LRP11: variants seen among roughly 807,000 people sequenced by gnomAD.
LRP11 encodes the protein LDL receptor related protein 11.
Under a neutral mutation model 43.1 loss-of-function variants are expected in LRP11, and 25 were observed. The observed-to-expected ratio is 0.58, with a 90% CI of 0.42 to 0.81. LRP11 has a LOEUF of 0.81. LRP11 is among the 30% of genes least tolerant of loss of function. LRP11 has a pLI of 0.00. For missense variants in LRP11, 623 were observed against 665.1 expected (o/e 0.94, Z 0.70); for synonymous variants, 316 against 299.4 (o/e 1.06, Z -0.57).
chr6:149,824,768 G>A (rs567248012), intron 6 of LRP11, among the ~76,000 whole-genome samples: 3 of 152,328 alleles, frequency 2.0e-5, no homozygotes, highest in Non-Finnish European at 4.4e-5. Flanking sequence ...GCTGAGGCAG[G>A]GGAATCGTTT....
chr6:149,862,540 T>C lies in LRP11; in HGVS notation c.613+868A>G, dbSNP rs553186265. 1.1e-4 allele frequency among the ~76,000 whole-genome samples: 16 copies of C among 151,516 alleles called. No homozygotes were observed. The South Asian group carries it at 3.4e-3, about 32-fold the overall frequency. On this transcript the variant is annotated intron_variant, in intron 1 of 6. Transcript: ENST00000239367. ...GTCGAATCAGCATCATTTTTAGTCC[T>C]TAAGAAACACGCTTTAAAGTTTCCT...
chr6:149,864,179 G>T lies in LRP11; in HGVS notation c.-159C>A, dbSNP rs1335406042. 10 of 1,133,978 alleles carry T rather than the reference G, an allele frequency of 8.8e-6. No homozygotes were observed. Among genetic ancestry groups the T allele is most frequent in the Non-Finnish European group, 1.1e-5 (10 of 926,508 alleles). 70.2% of individuals were successfully genotyped at this position (1,133,978 alleles called of 1,614,324 possible). A position where few individuals can be genotyped will look rare whatever the true frequency, so the allele number is the denominator to read the frequency against. On this transcript the variant is annotated 5_prime_UTR_variant, in exon 1 of 7. Transcript: ENST00000239367. The stretch of plus-strand genomic sequence containing the variant: ...CGCCCCCGAACCCGGCTGCTCCCCC[G>T]AGGTCGCGGGCGCCGGCGGGAACCG...
chr6:149,843,697 C>T (rs1776586436), intron 2 of LRP11, among the ~76,000 whole-genome samples: 1 of 152,096 alleles, frequency 6.6e-6, no homozygotes, highest in Non-Finnish European at 1.5e-5. Context: ...TCCTAAGAAA[C>T]AAACAAAACA....
intron 3 of LRP11, chr6:149,842,650 AACAGATGC>A (rs1419214559): frequency 6.4e-7 from 1 of 1,551,088 alleles, no homozygotes; most frequent in Non-Finnish European, 8.7e-7. Flanking sequence ...TCCCTCTTGG[AACAGATGC>A]AGCAAATGGA....
In LRP11 at chr6:149,820,108, A is replaced by G. The variant is rs1347622196; in HGVS notation, c.*441T>C. The G allele has an allele frequency of 6.5e-6, 1 of 154,958 alleles. No individual in the cohort carries two copies. Among genetic ancestry groups the G allele is most frequent in the African/African-American group, 2.4e-5 (1 of 41,464 alleles). The allele number at this position is 154,958 out of a possible 1,614,324, so 9.6% of individuals were successfully genotyped here. ...TCTCAGAAACAGGTTTAGAGGGGAA[A>G]AGAAAAAGAATACTGGGAGCTTCAA... On this transcript the variant is annotated 3_prime_UTR_variant, in exon 7 of 7. Transcript: ENST00000239367.
intron 1 of LRP11, among the ~76,000 whole-genome samples, chr6:149,862,126 A>G (rs2115428518): frequency 6.6e-6 from 1 of 152,324 alleles, no homozygotes. Context: ...AGTCCTTCCC[A>G]GTGTTTGCCT....
At position 149,864,177 on chromosome 6, in the gene LRP11, C is replaced by G. The variant is rs1776999138; in HGVS notation, c.-157G>C. ...GGCGCCCCCGAACCCGGCTGCTCCC[C>G]CGAGGTCGCGGGCGCCGGCGGGAAC... On this transcript the variant is annotated 5_prime_UTR_variant, in exon 1 of 7. Coordinates refer to ENST00000239367, the MANE Select transcript of LRP11 (RefSeq NM_032832.6). 1 of 1,136,334 alleles carries G rather than the reference C, an allele frequency of 8.8e-7. No homozygotes were observed. The highest frequency in any genetic ancestry group is 1.1e-6 in the Non-Finnish European group (1 of 927,838). 70.4% of individuals were successfully genotyped at this position (1,136,334 alleles called of 1,614,324 possible).
chr6:149,826,234 C>A, intron 6 of LRP11, 30 bp downstream of exon 6: 1 of 1,533,290 alleles, frequency 6.5e-7, no homozygotes, highest in Non-Finnish European at 9.0e-7. Context: ...AGACTACAGT[C>A]TGCAAAGGGT....
At chr6:149,848,970 G>A (rs912247222) in intron 2 of LRP11, among the ~76,000 whole-genome samples, 2 of 152,200 alleles carry the variant, frequency 1.3e-5, no homozygotes, top group South Asian at 2.1e-4. Context: ...TGAGAAGATG[G>A]CTGGTTATAA....
At chr6:149,845,704 T>C (rs745943701) in intron 2 of LRP11, among the ~76,000 whole-genome samples, 6 of 151,848 alleles carry the variant, frequency 4.0e-5, no homozygotes, top group South Asian at 2.1e-4. Context: ...GAAGTCAGTC[T>C]GAGACAGGAC....
At chr6:149,861,672 C>A (rs1030341496) in intron 1 of LRP11, among the ~76,000 whole-genome samples, 1 of 152,090 alleles carries the variant, frequency 6.6e-6, no homozygotes, top group Non-Finnish European at 1.5e-5. Flanking sequence ...CGCCACCATG[C>A]CAGGATAATT....
chr6:149,860,526 T>C lies in LRP11; in HGVS notation c.613+2882A>G, dbSNP rs78856308. Among the ~76,000 whole-genome samples the C allele has an allele frequency of 9.4e-3, 1,431 of 151,990 alleles. 23 individuals are homozygous for C. The highest frequency in any genetic ancestry group is 0.031 in the African/African-American group (1,267 of 41,448). On this transcript the variant is annotated intron_variant, in intron 1 of 6. Transcript: ENST00000239367. ...AGTATCATGTACATGCGTGCCACCTTCCTAACTCACAAAGCATGTCCCCCC... is the reference window on the plus strand; with the variant it reads ...AGTATCATGTACATGCGTGCCACCTCCCTAACTCACAAAGCATGTCCCCCC...
At chr6:149,822,238 G>A (rs973577443) in intron 6 of LRP11, among the ~76,000 whole-genome samples, 1 of 152,084 alleles carries the variant, frequency 6.6e-6, no homozygotes, top group African/African-American at 2.4e-5. Context: ...TACTCGGGAG[G>A]CTGAAGTAGG....
chr6:149,847,856 CACACACACACACACACACACACAT>C (rs1359673082), intron 2 of LRP11, among the ~76,000 whole-genome samples: 25 of 147,804 alleles, frequency 1.7e-4, no homozygotes, highest in African/African-American at 5.1e-4. Flanking sequence ...CACACACACA[CACACACACACACACACACACACAT>C]TGTATATACT....
chr6:149,824,184 A>G (rs1422282576), intron 6 of LRP11, among the ~76,000 whole-genome samples: 1 of 152,218 alleles, frequency 6.6e-6, no homozygotes, highest in Non-Finnish European at 1.5e-5. Context: ...AAAGATGAGC[A>G]TCAGCATTTA....
chr6:149,854,251 G>C (rs1228078239), intron 1 of LRP11, among the ~76,000 whole-genome samples: 1 of 152,068 alleles, frequency 6.6e-6, no homozygotes, highest in East Asian at 1.9e-4. Flanking sequence ...CTCCCGAGTA[G>C]TTAGGACTGC....
At chr6:149,859,126 CCCAA>C (rs1776846942) in intron 1 of LRP11, among the ~76,000 whole-genome samples, 1 of 151,762 alleles carries the variant, frequency 6.6e-6, no homozygotes, top group Non-Finnish European at 1.5e-5. Flanking sequence ...CCACATATTT[CCCAA>C]CTGGTTTCCA....
chr6:149,822,245 T>C (rs1314084921), intron 6 of LRP11, among the ~76,000 whole-genome samples: 1 of 151,572 alleles, frequency 6.6e-6, no homozygotes, highest in Non-Finnish European at 1.5e-5. Flanking sequence ...GAGGCTGAAG[T>C]AGGAGAATCA....
intron 5 of LRP11, among the ~76,000 whole-genome samples, chr6:149,833,863 C>A (rs952667790): frequency 2.6e-5 from 4 of 152,072 alleles, no homozygotes; most frequent in Admixed American, 2.0e-4. Context: ...GCATTATTTT[C>A]TTTTTTTTCC....
Sources: gnomAD v4.1 joint callset for allele counts (sites outside exome capture counted in the v4.1 genomes callset) on GRCh38, gnomAD v4.1.1 for gene constraint, MANE v1.5 for transcripts, NCBI Gene and HGNC (gene_info 2026-07-23, HGNC 2026-07-21) for gene names.